The following KANSL1 variants were observed in gnomAD, a reference collection of about 807,000 sequenced individuals.
The protein encoded by KANSL1 is MLL1/MLL complex subunit KANSL1.
A neutral mutation model predicts 103.6 loss-of-function variants in KANSL1; 22 were observed. The ratio of observed to expected loss-of-function variants is 0.21; its 90% confidence interval spans 0.15 to 0.30. The LOEUF (loss-of-function observed/expected upper bound fraction) is 0.30, where lower values mean the gene tolerates loss of function less well. Ranked by LOEUF, KANSL1 falls within the 10% of genes least tolerant of loss-of-function variation. KANSL1 has a pLI of 1.00. For missense variants in KANSL1, 1,337 were observed against 1,399.8 expected (o/e 0.96, Z 0.72); for synonymous variants, 600 against 527.6 (o/e 1.14, Z -1.88).
chr17:46,213,355 T>C (rs886184087), intron 1 of KANSL1, among the ~76,000 whole-genome samples: 1 of 152,020 alleles, frequency 6.6e-6, no homozygotes, highest in Non-Finnish European at 1.5e-5. Context: ...GGCTGGAGAG[T>C]AGTGGCGTGA....
intron 2 of KANSL1, among the ~76,000 whole-genome samples, chr17:46,150,164 C>T (rs554020683): frequency 6.7e-6 from 1 of 149,650 alleles, no homozygotes; most frequent in East Asian, 2.0e-4. Flanking sequence ...TTTCCTTTTT[C>T]TCATACTAGA....
At chr17:46,108,670 G>A (rs1270579415) in intron 2 of KANSL1, among the ~76,000 whole-genome samples, 1 of 152,218 alleles carries the variant, frequency 6.6e-6, no homozygotes, top group Non-Finnish European at 1.5e-5. Context: ...AAGGAAGCAG[G>A]AAGAGAGAGG....
intron 2 of KANSL1, among the ~76,000 whole-genome samples, chr17:46,107,009 A>G (rs79346219): frequency 0.14 from 21,633 of 151,964 alleles, 2,120 homozygotes; most frequent in Non-Finnish European, 0.22. Flanking sequence ...AACTAGTTAA[A>G]GGCCCCAGGA....
chr17:46,175,113 G>A (rs1251055499), intron 1 of KANSL1, among the ~76,000 whole-genome samples: 2 of 152,106 alleles, frequency 1.3e-5, no homozygotes, highest in Non-Finnish European at 2.9e-5. Flanking sequence ...CCCCAAATGA[G>A]GGCAATCTCC....
chr17:46,064,709 G>A (rs1365946889), intron 6 of KANSL1, among the ~76,000 whole-genome samples: 12 of 151,336 alleles, frequency 7.9e-5, no homozygotes, highest in Non-Finnish European at 1.5e-4. Context: ...TACTTTATTC[G>A]TCACTCCCTT....
At chr17:46,131,898 G>A (rs1026874313) in intron 2 of KANSL1, among the ~76,000 whole-genome samples, 2 of 152,158 alleles carry the variant, frequency 1.3e-5, no homozygotes, top group Non-Finnish European at 2.9e-5. Context: ...GGAGGCCGAG[G>A]CAGGTGGATC....
chr17:46,208,616 CAAAAA>C (rs149187563), intron 1 of KANSL1, among the ~76,000 whole-genome samples: 6 of 81,206 alleles, frequency 7.4e-5, no homozygotes, highest in Admixed American at 2.5e-4. Context: ...GACCCTGTCT[CAAAAA>C]AAAAAAAAAA....
chr17:46,039,343 G>T, intron 8 of KANSL1, 128 bp from the exon 9 acceptor site: 1 of 855,290 alleles, frequency 1.2e-6, no homozygotes, highest in Non-Finnish European at 1.7e-6. Flanking sequence ...AGTCCTTCAG[G>T]ACTGAAGTTT....
chr17:46,155,152 G>C (rs1044663175), intron 2 of KANSL1, among the ~76,000 whole-genome samples: 10 of 147,934 alleles, frequency 6.8e-5, no homozygotes, highest in African/African-American at 2.6e-4. Context: ...TTCTCAGCCA[G>C]GGATTTTTTT....
chr17:46,082,695 GT>G (rs1455771362), intron 3 of KANSL1, among the ~76,000 whole-genome samples, 153 bp from the exon 4 acceptor site: 9 of 152,064 alleles, frequency 5.9e-5, no homozygotes, highest in Admixed American at 1.3e-4. Flanking sequence ...CAGCAGCTTT[GT>G]TTTCCCAAAG....
chr17:46,121,598 C>A (rs1249496900), intron 2 of KANSL1, among the ~76,000 whole-genome samples: 3 of 150,848 alleles, frequency 2.0e-5, no homozygotes, highest in South Asian at 2.1e-4. Flanking sequence ...ATCCCTCTTA[C>A]CTGCTTTATT....
At chr17:46,053,285 A>G (rs2077791092) in intron 6 of KANSL1, among the ~76,000 whole-genome samples, 1 of 152,014 alleles carries the variant, frequency 6.6e-6, no homozygotes, top group African/African-American at 2.4e-5. Context: ...CTCCGTCTCC[A>G]AAAAAATTTA....
intron 2 of KANSL1, chr17:46,169,644 C>T (rs1243032539): frequency 2.6e-5 from 4 of 152,266 alleles, no homozygotes; most frequent in Admixed American, 2.6e-4. Context: ...AGTCAATTAT[C>T]CTGCCCCTCT....
chr17:46,120,441 G>A (rs1598671947), intron 2 of KANSL1, among the ~76,000 whole-genome samples: 2 of 152,262 alleles, frequency 1.3e-5, no homozygotes, highest in African/African-American at 2.4e-5. Flanking sequence ...TATAAGCTGT[G>A]CATTTCCATG....
At chr17:46,162,124 T>C (rs1233185194) in intron 2 of KANSL1, among the ~76,000 whole-genome samples, 4 of 152,266 alleles carry the variant, frequency 2.6e-5, no homozygotes, top group African/African-American at 4.8e-5. Context: ...TTCAAATCTA[T>C]ATAAACTCAA....
At chr17:46,147,954 G>A (rs1054848390) in intron 2 of KANSL1, among the ~76,000 whole-genome samples, 1 of 152,186 alleles carries the variant, frequency 6.6e-6, no homozygotes, top group Non-Finnish European at 1.5e-5. Flanking sequence ...CCTTGACCTT[G>A]GTAGCTGTGG....
At chr17:46,099,626 G>T (rs1370385622) in intron 2 of KANSL1, among the ~76,000 whole-genome samples, 1 of 152,240 alleles carries the variant, frequency 6.6e-6, no homozygotes, top group East Asian at 1.9e-4. Flanking sequence ...TAACACTGAT[G>T]AGTCAACTCA....
intron 1 of KANSL1, among the ~76,000 whole-genome samples, chr17:46,212,520 GA>G (rs1209502475): frequency 2.6e-5 from 4 of 152,130 alleles, no homozygotes; most frequent in Non-Finnish European, 4.4e-5. Context: ...CACCCGGCCA[GA>G]AAAATTCTTT....
rs2079024731 is a variant in KANSL1 at position 46,082,558 on chromosome 17, G to A, written c.1432-16C>T. The A allele has an allele frequency of 7.0e-7, 1 of 1,424,922 alleles. No individual in the cohort carries two copies. The allele number at this position is 1,424,922 out of a possible 1,614,324, so 88.3% of individuals were successfully genotyped here. On this transcript the variant is annotated splice_polypyrimidine_tract_variant and intron_variant, in intron 3 of 14. Coordinates refer to ENST00000432791, the MANE Select transcript of KANSL1 (RefSeq NM_015443.4). ...CTATCAACCCCTGCAGGATAGAGAG[G>A]AGAAAAATAGCATAAGTGAGCAGTA...
Sources: gnomAD v4.1 joint callset for allele counts (sites outside exome capture counted in the v4.1 genomes callset) on GRCh38, gnomAD v4.1.1 for gene constraint, MANE v1.5 for transcripts, NCBI Gene and HGNC (gene_info 2026-07-23, HGNC 2026-07-21) for gene names.